GNAS-AS1: variants seen among roughly 807,000 people sequenced by gnomAD.
GNAS-AS1 encodes the protein GNAS antisense RNA 1.
In GNAS-AS1 at chr20:58,823,488, G is replaced by A. The variant is rs554636874; in HGVS notation, n.820-4233C>T. Among the ~76,000 whole-genome samples, 19 of 152,326 alleles carry A rather than the reference G, an allele frequency of 1.2e-4. 1 individual carries two copies. The East Asian group carries it at 3.5e-3, about 28-fold the overall frequency. Reference sequence around the variant, plus strand: ...CTGTATGCCTGTGACGGGCGCACGTGCCTGGAGCATGCGGTGATGTCCGCC... The same window carrying A: ...CTGTATGCCTGTGACGGGCGCACGTACCTGGAGCATGCGGTGATGTCCGCC... On this transcript the variant is annotated intron_variant and non_coding_transcript_variant, in intron 4 of 4. Coordinates refer to ENST00000424094, the Ensembl canonical transcript of GNAS-AS1.
chr20:58,839,760 C>T (rs537345739), intron 4 of GNAS-AS1: 1 of 567,176 alleles, frequency 1.8e-6, no homozygotes, highest in Non-Finnish European at 3.1e-6. Context: ...TCTCCTCTGT[C>T]CTCTCCCAGG....
In GNAS-AS1 at chr20:58,841,439, A is replaced by ACG. The variant is rs888965181; in HGVS notation, n.819+496_819+497dup. The ACG allele has an allele frequency of 6.6e-5, 66 of 992,544 alleles. No individual in the cohort carries two copies. In the Middle Eastern group the frequency reaches 1.5e-3, roughly 23 times the overall value. 61.5% of individuals were successfully genotyped at this position (992,544 alleles called of 1,614,324 possible). A position where few individuals can be genotyped will look rare whatever the true frequency, so the allele number is the denominator to read the frequency against. ...AGACTGACCACCCGGGAGGGAAGTC[A>ACG]CGCGCGCGCGGCGCCTAAGCAGCTC... On this transcript the variant is annotated intron_variant and non_coding_transcript_variant, in intron 4 of 4. Transcript: ENST00000424094. This position sits in a 1 kb window ranked among gnomAD's most constrained non-coding sequence, Gnocchi z 5.0.
chr20:58,830,458 CCACCACCACACCACCAT>C (rs2085554667), intron 4 of GNAS-AS1, among the ~76,000 whole-genome samples: 1 of 62,860 alleles, frequency 1.6e-5, no homozygotes, highest in Non-Finnish European at 3.1e-5. Flanking sequence ...ACCACCATCA[CCACCACCACACCACCAT>C]CATCACCATC....
intron 4 of GNAS-AS1, among the ~76,000 whole-genome samples, chr20:58,822,105 G>A (rs1052402600): frequency 3.9e-5 from 6 of 152,232 alleles, no homozygotes; most frequent in Non-Finnish European, 5.9e-5. Flanking sequence ...CCAGGAGGAA[G>A]GCAGGCAGCC....
intron 2 of GNAS-AS1, among the ~76,000 whole-genome samples, chr20:58,848,122 G>T (rs943249815): frequency 6.6e-6 from 1 of 152,196 alleles, no homozygotes; most frequent in Non-Finnish European, 1.5e-5. Flanking sequence ...CCTCAGACAT[G>T]CAGAGTTTAA....
chr20:58,822,675 C>T (rs539117776), intron 4 of GNAS-AS1, among the ~76,000 whole-genome samples: 9 of 152,266 alleles, frequency 5.9e-5, no homozygotes, highest in Non-Finnish European at 1.3e-4. Flanking sequence ...ATAAAGGTGG[C>T]GAACATTTAG....
In GNAS-AS1 at chr20:58,841,904, A is replaced by G. The variant is rs1439117652; in HGVS notation, n.819+33T>C. 1 of 1,229,392 alleles carries G rather than the reference A, an allele frequency of 8.1e-7. No individual in the cohort carries two copies. Among genetic ancestry groups the G allele is most frequent in the African/African-American group, 1.6e-5 (1 of 64,484 alleles). The allele number at this position is 1,229,392 out of a possible 1,614,324, so 76.2% of individuals were successfully genotyped here. On this transcript the variant is annotated intron_variant and non_coding_transcript_variant, in intron 4 of 4. Coordinates refer to ENST00000424094, the Ensembl canonical transcript of GNAS-AS1. The surrounding 1 kb of genome is among the most constrained non-coding windows in gnomAD (Gnocchi z 5.0). ...AAGCGGAACAAGGGACAGGCTGGAGACGGGGGTCGCGTCTAACATCAGGAT... is the reference window on the plus strand; with the variant it reads ...AAGCGGAACAAGGGACAGGCTGGAGGCGGGGGTCGCGTCTAACATCAGGAT...
chr20:58,850,868 A>G, exon 1 of GNAS-AS1: 1 of 398,868 alleles, frequency 2.5e-6, no homozygotes, highest in Non-Finnish European at 4.4e-6. Context: ...CCACCCCAGC[A>G]GCACCTCTTC....
At position 58,828,759 on chromosome 20, in the gene GNAS-AS1, T is replaced by G. The variant is rs539307215; in HGVS notation, n.820-9504A>C. 1.3e-4 allele frequency among the ~76,000 whole-genome samples: 20 copies of G among 152,358 alleles called. 1 individual carries two copies. The highest frequency in any genetic ancestry group is 4.3e-4 in the African/African-American group (18 of 41,586). On this transcript the variant is annotated intron_variant and non_coding_transcript_variant, in intron 4 of 4. Coordinates refer to ENST00000424094, the Ensembl canonical transcript of GNAS-AS1. ...TGTCTGATACCTTGTCTTGATACCT[T>G]GTCACGTGCAGCCTAAAGGCACCTT... is the stretch of plus-strand genomic sequence containing the variant.
Position 58,826,264 on chromosome 20 carries a change from A to G in GNAS-AS1, n.820-7009T>C, listed in dbSNP as rs2085519586. The G allele has an allele frequency of 7.6e-6, 3 of 392,508 alleles. No individual in the cohort carries two copies. The East Asian group carries it at 1.1e-4, about 14-fold the overall frequency. The allele number at this position is 392,508 out of a possible 1,614,324, so 24.3% of individuals were successfully genotyped here. On this transcript the variant is annotated intron_variant and non_coding_transcript_variant, in intron 4 of 4. Transcript: ENST00000424094. ...ATACATTTTTTTGCAATGTTGTCAT[A>G]CTACTATTAACAACACTGCTGCTGT... is the stretch of plus-strand genomic sequence containing the variant.
In GNAS-AS1 at chr20:58,840,482, G is replaced by A. The variant is rs763994300; in HGVS notation, n.819+1455C>T. ...CGAAATCGAGTCCGAGACCGACTTC[G>A]AGACCGAGCCTGAGACCGCCCCCAC... is the stretch of plus-strand genomic sequence containing the variant. On this transcript the variant is annotated intron_variant and non_coding_transcript_variant, in intron 4 of 4. Transcript: ENST00000424094. This position sits in a 1 kb window ranked among gnomAD's most constrained non-coding sequence, Gnocchi z 6.0. 4 of 1,613,428 alleles carry A rather than the reference G, an allele frequency of 2.5e-6. No homozygotes were observed. The East Asian group carries it at 6.7e-5, about 27-fold the overall frequency.
At chr20:58,826,103 T>C in intron 4 of GNAS-AS1, 1 of 398,692 alleles carries the variant, frequency 2.5e-6, no homozygotes, top group Non-Finnish European at 4.4e-6. Flanking sequence ...ACTGCATAAG[T>C]GCTCTCAATG....
rs1317480687 is a variant in GNAS-AS1, at chr20:58,841,088, AG to A, written n.819+848del. Among the ~76,000 whole-genome samples the A allele has an allele frequency of 1.3e-5, 2 of 151,968 alleles. No individual in the cohort carries two copies. Among genetic ancestry groups the A allele is most frequent in the Non-Finnish European group, 2.9e-5 (2 of 67,968 alleles). On this transcript the variant is annotated intron_variant and non_coding_transcript_variant, in intron 4 of 4. Transcript: ENST00000424094. The surrounding 1 kb of genome is among the most constrained non-coding windows in gnomAD (Gnocchi z 5.0). The stretch of plus-strand genomic sequence containing the variant: ...ATGCCAGGGGCGCCCTGGTGGCCAA[AG>A]GCTTGTTGGACGGCGGGGCGCACGC...
chr20:58,832,769 A>C (rs2085575672), intron 4 of GNAS-AS1, among the ~76,000 whole-genome samples: 1 of 152,224 alleles, frequency 6.6e-6, no homozygotes, highest in African/African-American at 2.4e-5. Flanking sequence ...TTTTCTAACT[A>C]ACTGAGCAAG....
Position 58,840,822 on chromosome 20 carries a change from C to T in GNAS-AS1, n.819+1115G>A, listed in dbSNP as rs2085686386. The T allele has an allele frequency of 1.2e-6, 2 of 1,612,688 alleles. No homozygotes were observed. The highest frequency in any genetic ancestry group is 1.7e-5 in the Admixed American group (1 of 60,004). On this transcript the variant is annotated intron_variant and non_coding_transcript_variant, in intron 4 of 4. Coordinates refer to ENST00000424094, the Ensembl canonical transcript of GNAS-AS1. This position sits in a 1 kb window ranked among gnomAD's most constrained non-coding sequence, Gnocchi z 6.0. The stretch of plus-strand genomic sequence containing the variant: ...CCGGAGTCCCCTTCCAAAAAGGGAC[C>T]CATCCCCATCCGGCGTCACTAATGG...
intron 4 of GNAS-AS1, among the ~76,000 whole-genome samples, chr20:58,820,685 T>C (rs1050318628): frequency 1.1e-4 from 17 of 152,254 alleles, no homozygotes; most frequent in African/African-American, 3.6e-4. Flanking sequence ...CCCACAATCA[T>C]GGCAGAAGGC....
Position 58,840,971 on chromosome 20 carries a change from T to TGAC in GNAS-AS1, n.819+965_819+966insGTC. On this transcript the variant is annotated intron_variant and non_coding_transcript_variant, in intron 4 of 4. Coordinates refer to ENST00000424094, the Ensembl canonical transcript of GNAS-AS1. The surrounding 1 kb of genome is among the most constrained non-coding windows in gnomAD (Gnocchi z 6.0). ...AAAGGAGGTGAGAAGGAAAGGCAGG[T>TGAC]CAGGGGCGAGTGGGAAGAGAGGAGG... 1 of 1,431,852 alleles carries TGAC rather than the reference T, an allele frequency of 7.0e-7. No homozygotes were observed. Among genetic ancestry groups the TGAC allele is most frequent in the Non-Finnish European group, 9.6e-7 (1 of 1,036,328 alleles). 88.7% of individuals were successfully genotyped at this position (1,431,852 alleles called of 1,614,324 possible).
chr20:58,829,097 C>T (rs1263103368), intron 4 of GNAS-AS1, among the ~76,000 whole-genome samples: 4 of 152,228 alleles, frequency 2.6e-5, no homozygotes, highest in African/African-American at 7.2e-5. Context: ...AACTCATGGC[C>T]TCCTGCTACC....
chr20:58,822,827 C>T (rs577912991), intron 4 of GNAS-AS1, among the ~76,000 whole-genome samples: 8 of 152,212 alleles, frequency 5.3e-5, no homozygotes, highest in East Asian at 1.9e-4. Flanking sequence ...GAGGTTAGCG[C>T]TCACATCTCT....
Sources: gnomAD v4.1 joint callset for allele counts (sites outside exome capture counted in the v4.1 genomes callset) on GRCh38, gnomAD v4.1.1 for gene constraint, Gnocchi (gnomAD v3.1) non-coding constraint, MANE v1.5 for transcripts, NCBI Gene and HGNC (gene_info 2026-07-23, HGNC 2026-07-21) for gene names.